ASXL1: variants seen among roughly 807,000 people sequenced by gnomAD.
ASXL1 encodes the protein ASXL transcriptional regulator 1, also known as polycomb group protein ASXL1.
A neutral mutation model predicts 89.1 loss-of-function variants in ASXL1; 65 were observed. The ratio of observed to expected loss-of-function variants is 0.73; its 90% CI spans 0.60 to 0.90. The LOEUF (loss-of-function observed/expected upper bound fraction) is 0.90, where lower values mean the gene tolerates loss of function less well. Among genes scored for constraint, ASXL1 ranks in the 40% least tolerant of loss-of-function variants. ASXL1 has a pLI of 0.00. For missense variants in ASXL1, 1,786 were observed against 1,942.9 expected (o/e 0.92, Z 1.52); for synonymous variants, 739 against 746.9 (o/e 0.99, Z 0.17).
At chr20:32,432,810 A>T in intron 10 of ASXL1, 70 bp from the exon 11 acceptor site, 1 of 1,567,566 alleles carries the variant, frequency 6.4e-7, no homozygotes, top group Non-Finnish European at 8.7e-7. Flanking sequence ...AAACTGGGAG[A>T]TTCAGCTGTC....
chr20:32,387,591 A>G (rs2048601599), intron 4 of ASXL1, among the ~76,000 whole-genome samples: 1 of 152,204 alleles, frequency 6.6e-6, no homozygotes, highest in Admixed American at 6.5e-5. Context: ...TTTCCACTCC[A>G]TACTCCATCC....
intron 4 of ASXL1, among the ~76,000 whole-genome samples, chr20:32,425,469 T>C (rs2011248824): frequency 1.3e-5 from 2 of 152,242 alleles, no homozygotes; most frequent in African/African-American, 4.8e-5. Flanking sequence ...GTGTACTTGT[T>C]CTACTCCTAA....
At chr20:32,384,429 C>T (rs1376122103) in intron 4 of ASXL1, among the ~76,000 whole-genome samples, 1 of 151,994 alleles carries the variant, frequency 6.6e-6, no homozygotes, top group African/African-American at 2.4e-5. Flanking sequence ...CTCCTAACCT[C>T]AAGTGATCCA....
At position 32,429,018 on chromosome 20, in the gene ASXL1, G is replaced by A. The variant is rs1290650258; in HGVS notation, c.472-320G>A. 15 of 389,846 alleles carry A rather than the reference G, an allele frequency of 3.8e-5. No homozygotes were observed. In the East Asian group the frequency reaches 8.4e-4, roughly 22 times the overall value. 24.1% of individuals were successfully genotyped at this position (389,846 alleles called of 1,614,324 possible). On this transcript the variant is annotated intron_variant, in intron 6 of 12. Transcript: ENST00000375687. This position sits in a 1 kb window ranked among gnomAD's most constrained non-coding sequence, Gnocchi z 4.9. ...ACATTCAGGGAGAAGTGTGGTTAGT[G>A]CAGAGTAGAGAGAACAGGAGATTGG... is the stretch of plus-strand genomic sequence containing the variant.
chr20:32,433,181 A>T, intron 11 of ASXL1, 103 bp from the exon 12 acceptor site: 1 of 1,565,484 alleles, frequency 6.4e-7, no homozygotes, highest in Non-Finnish European at 8.7e-7. Context: ...ACACAGATTT[A>T]TTTTGTTCTG....
intron 4 of ASXL1, among the ~76,000 whole-genome samples, chr20:32,382,785 CAAAAA>C (rs1004533880): frequency 1.3e-5 from 2 of 151,450 alleles, no homozygotes; most frequent in Non-Finnish European, 2.9e-5. Flanking sequence ...GACCCTGTCT[CAAAAA>C]AAATGAATTT....
At chr20:32,382,399 C>G (rs1194914584) in intron 4 of ASXL1, among the ~76,000 whole-genome samples, 1 of 151,758 alleles carries the variant, frequency 6.6e-6, no homozygotes, top group Non-Finnish European at 1.5e-5. Flanking sequence ...AAAACTGAAC[C>G]CTTAGGAACA....
At chr20:32,378,053 G>A (rs1254102710) in intron 4 of ASXL1, among the ~76,000 whole-genome samples, 1 of 146,250 alleles carries the variant, frequency 6.8e-6, no homozygotes, top group Admixed American at 7.0e-5. Context: ...GCAGTGGCAT[G>A]ATCACAGCTC....
chr20:32,408,566 T>C (rs2048993775), intron 4 of ASXL1, among the ~76,000 whole-genome samples: 1 of 152,178 alleles, frequency 6.6e-6, no homozygotes, highest in South Asian at 2.1e-4. Context: ...TTTTCTTTCT[T>C]TTTTAGAGAC....
chr20:32,414,445 G>A (rs986575331), intron 4 of ASXL1, among the ~76,000 whole-genome samples: 1 of 150,660 alleles, frequency 6.6e-6, no homozygotes, highest in Non-Finnish European at 1.5e-5. Context: ...GCTGTAGTAC[G>A]TGTCTGTGGT....
chr20:32,421,826 C>T (rs1350551351), intron 4 of ASXL1, among the ~76,000 whole-genome samples: 1 of 149,602 alleles, frequency 6.7e-6, no homozygotes, highest in East Asian at 2.0e-4. Context: ...GAAGTCAGAA[C>T]AATGATTGCC....
Position 32,434,203 on chromosome 20 carries a change from C to G in ASXL1, c.1720-229C>G. On this transcript the variant is annotated intron_variant, in intron 12 of 12. Coordinates refer to ENST00000375687, the MANE Select transcript of ASXL1 (RefSeq NM_015338.6). ...TCTTTGCTATAGTGACTCACACAGT[C>G]CCACCAGAAATTAAATTTAGAAGTG... is the stretch of plus-strand genomic sequence containing the variant. 5 of 698,678 alleles carry G rather than the reference C, an allele frequency of 7.2e-6. No individual in the cohort carries two copies. In the South Asian group the frequency reaches 7.6e-5, roughly 11 times the overall value. 43.3% of individuals were successfully genotyped at this position (698,678 alleles called of 1,614,324 possible). A position where few individuals can be genotyped will look rare whatever the true frequency, so the allele number is the denominator to read the frequency against.
chr20:32,416,077 A>G (rs1036854051), intron 4 of ASXL1, among the ~76,000 whole-genome samples: 2 of 152,194 alleles, frequency 1.3e-5, no homozygotes, highest in Non-Finnish European at 2.9e-5. Context: ...ACAAATTTTG[A>G]AAATTGAGAT....
chr20:32,375,448 CA>C (rs71187112), intron 4 of ASXL1, among the ~76,000 whole-genome samples: 1,866 of 136,716 alleles, frequency 0.014, 18 homozygotes, highest in Non-Finnish European at 0.019. Flanking sequence ...GACTTGGTCT[CA>C]AAAAAAAAAA....
chr20:32,409,724 T>G (rs1569294269), intron 4 of ASXL1, among the ~76,000 whole-genome samples: 1 of 152,074 alleles, frequency 6.6e-6, no homozygotes, highest in Non-Finnish European at 1.5e-5. Flanking sequence ...TACTCCAGCC[T>G]GGGCAACAAT....
chr20:32,414,112 T>G (rs1483854696), intron 4 of ASXL1, among the ~76,000 whole-genome samples: 2 of 152,202 alleles, frequency 1.3e-5, no homozygotes, highest in Non-Finnish European at 2.9e-5. Flanking sequence ...GTTTCTCTCC[T>G]GTGTTTTGAG....
intron 4 of ASXL1, among the ~76,000 whole-genome samples, chr20:32,392,177 T>C (rs2048684114): frequency 6.6e-6 from 1 of 152,036 alleles, no homozygotes. Context: ...GCTAGTGGCA[T>C]GATCATGGCT....
intron 4 of ASXL1, among the ~76,000 whole-genome samples, chr20:32,414,300 CT>C (rs2049099338): frequency 6.6e-6 from 1 of 150,960 alleles, no homozygotes; most frequent in Non-Finnish European, 1.5e-5. Context: ...CTTAATGGAG[CT>C]TCTTTTTCTT....
chr20:32,389,340 A>G (rs2048631260), intron 4 of ASXL1, among the ~76,000 whole-genome samples: 1 of 152,100 alleles, frequency 6.6e-6, no homozygotes, highest in Non-Finnish European at 1.5e-5. Flanking sequence ...TCAACGTGCC[A>G]TATGATTTAC....
Sources: allele counts gnomAD v4.1 joint callset (sites outside exome capture counted in the v4.1 genomes callset), GRCh38; gene constraint gnomAD v4.1.1; non-coding constraint Gnocchi (gnomAD v3.1); transcripts MANE v1.5; gene names NCBI Gene and HGNC (gene_info 2026-07-23, HGNC 2026-07-21).